Variants in TYR observed in about 807,000 individuals in gnomAD.
TYR encodes LB24-AB.
In TYR, 58 loss-of-function variants were observed where a neutral mutation model predicts 51.5. The observed-to-expected ratio is 1.13, with a 90% CI of 0.91 to 1.40. The LOEUF (loss-of-function observed/expected upper bound fraction) is 1.40. Among genes scored for constraint, TYR ranks in the 40% most tolerant of loss-of-function variants. TYR has a pLI of 0.00. For synonymous variants in TYR, 263 were observed against 235.2 expected, an observed-to-expected ratio of 1.12 and a Z score of -1.08; for missense variants, 732 against 647.4, an observed-to-expected ratio of 1.13 and a Z score of -1.42.
Position 89,240,755 on chromosome 11 carries a change from C to T in TYR, c.1184+12785C>T, listed in dbSNP as rs1365706687. 2.6e-5 allele frequency among the ~76,000 whole-genome samples: 4 copies of T among 152,124 alleles called. No homozygotes were observed. The East Asian group carries it at 7.7e-4, about 29-fold the overall frequency. On this transcript the variant is annotated intron_variant, in intron 3 of 4. Coordinates refer to ENST00000263321, the MANE Select transcript of TYR (RefSeq NM_000372.5). ...TCTTTTTGAAGAAATGACAGTAATA[C>T]ATTAGTACAGTTGCAGGTCTTTATT...
chr11:89,203,927 G>A (rs1484574476), intron 2 of TYR, among the ~76,000 whole-genome samples: 1 of 152,118 alleles, frequency 6.6e-6, no homozygotes, highest in Admixed American at 6.5e-5. Flanking sequence ...AAGTTGACTG[G>A]GGAGACTAGA....
intron 3 of TYR, among the ~76,000 whole-genome samples, chr11:89,243,648 C>T (rs917107306): frequency 2.0e-5 from 3 of 152,174 alleles, no homozygotes; most frequent in Admixed American, 2.0e-4. Flanking sequence ...TAATTCCCAG[C>T]ACACAATGTT....
chr11:89,263,893 A>T (rs187923428), intron 3 of TYR, among the ~76,000 whole-genome samples: 1 of 152,190 alleles, frequency 6.6e-6, no homozygotes, highest in East Asian at 1.9e-4. Context: ...GGAAGACTTA[A>T]CTATCATTAA....
chr11:89,271,852 A>T (rs770814012), intron 3 of TYR, among the ~76,000 whole-genome samples: 11 of 151,944 alleles, frequency 7.2e-5, no homozygotes, highest in African/African-American at 2.4e-5. Context: ...CATCTTCACC[A>T]GAAATAAGTT....
At chr11:89,225,356 A>G (rs957064324) in intron 2 of TYR, among the ~76,000 whole-genome samples, 1 of 151,884 alleles carries the variant, frequency 6.6e-6, no homozygotes. Context: ...ACCATGTTGT[A>G]TCATAGATCT....
chr11:89,275,186 C>T lies in TYR; in HGVS notation c.1185-9587C>T, dbSNP rs942086265. ...ACAACTGTGCCGTCACCCTTTCTTA[C>T]ATACTCTGAGAGATTTTGTAATCAA... On this transcript the variant is annotated intron_variant, in intron 3 of 4. Coordinates refer to ENST00000263321, the MANE Select transcript of TYR (RefSeq NM_000372.5). Among the ~76,000 whole-genome samples the T allele has an allele frequency of 1.1e-3, 161 of 151,926 alleles. 1 individual carries two copies. Among genetic ancestry groups the T allele is most frequent in the African/African-American group, 3.6e-3 (150 of 41,416 alleles).
At chr11:89,218,080 T>C (rs1360582388) in intron 2 of TYR, among the ~76,000 whole-genome samples, 1 of 152,214 alleles carries the variant, frequency 6.6e-6, no homozygotes, top group African/African-American at 2.4e-5. Context: ...TGTTCAGGGC[T>C]TTCTCTCTAT....
At chr11:89,200,083 G>A (rs535754383) in intron 2 of TYR, among the ~76,000 whole-genome samples, 5 of 152,182 alleles carry the variant, frequency 3.3e-5, no homozygotes, top group Admixed American at 1.3e-4. Flanking sequence ...AAACAAATAC[G>A]AGTTAAAAGA....
Position 89,232,771 on chromosome 11 carries a change from A to G in TYR, c.1184+4801A>G, listed in dbSNP as rs1473575919. Among the ~76,000 whole-genome samples, 3 of 143,524 alleles carry G rather than the reference A, an allele frequency of 2.1e-5. 1 individual carries two copies. The highest frequency in any genetic ancestry group is 8.3e-5 in the African/African-American group (3 of 36,272). 94.2% of individuals were successfully genotyped at this position (143,524 alleles called of 152,430 possible). Reference sequence around the variant, plus strand: ...CTTTAATGTAGATTATTAAGTGTACAATCTCATTATGCCTAAAAAGCAATT... The same window carrying G: ...CTTTAATGTAGATTATTAAGTGTACGATCTCATTATGCCTAAAAAGCAATT... On this transcript the variant is annotated intron_variant, in intron 3 of 4. Transcript: ENST00000263321.
At chr11:89,294,385 A>C (rs1374706930) in intron 4 of TYR, 1 of 152,772 alleles carries the variant, frequency 6.5e-6, no homozygotes. Context: ...TCTTACATAT[A>C]TCGGCTCCCC....
intron 1 of TYR, 34 bp downstream of exon 1, chr11:89,178,806 G>A (rs1345776522): frequency 7.5e-6 from 12 of 1,607,526 alleles, no homozygotes; most frequent in Admixed American, 1.7e-5. Flanking sequence ...GTCAGAGTAG[G>A]GAGGAACCTT....
At chr11:89,278,702 G>A (rs1227305180) in intron 3 of TYR, among the ~76,000 whole-genome samples, 1 of 151,332 alleles carries the variant, frequency 6.6e-6, no homozygotes, top group Non-Finnish European at 1.5e-5. Context: ...ATCTTCCCTT[G>A]GTATGGGACA....
At chr11:89,204,434 T>C (rs10830239) in intron 2 of TYR, among the ~76,000 whole-genome samples, 88,443 of 151,234 alleles carry the variant, frequency 0.58, 28,202 homozygotes, top group African/African-American at 0.86. Flanking sequence ...TGCTGTGTTG[T>C]CCAGGCTGGT....
In TYR at chr11:89,260,384, G is replaced by A. The variant is rs142940377; in HGVS notation, c.1185-24389G>A. Among the ~76,000 whole-genome samples, 1,378 of 152,112 alleles carry A rather than the reference G, an allele frequency of 9.1e-3. 12 individuals carry two copies. Among genetic ancestry groups the A allele is most frequent in the Middle Eastern group, 0.024 (7 of 294 alleles). On this transcript the variant is annotated intron_variant, in intron 3 of 4. Coordinates refer to ENST00000263321, the MANE Select transcript of TYR (RefSeq NM_000372.5). ...TGACTTCTTACCAGAAACTATGAAG[G>A]CCAGAAAACAAAGGATTGGCATATT... is the stretch of plus-strand genomic sequence containing the variant.
At chr11:89,248,743 T>C (rs1333358919) in intron 3 of TYR, among the ~76,000 whole-genome samples, 2 of 152,132 alleles carry the variant, frequency 1.3e-5, no homozygotes, top group African/African-American at 2.4e-5. Flanking sequence ...AATAGACTGT[T>C]AGAGTGAAAA....
intron 4 of TYR, among the ~76,000 whole-genome samples, chr11:89,287,671 C>A (rs1407893841): frequency 6.6e-6 from 1 of 151,722 alleles, no homozygotes; most frequent in Non-Finnish European, 1.5e-5. Context: ...TGAATTTGGG[C>A]CATATTGTTA....
At chr11:89,216,524 A>G (rs1163831434) in intron 2 of TYR, among the ~76,000 whole-genome samples, 1 of 151,174 alleles carries the variant, frequency 6.6e-6, no homozygotes, top group Non-Finnish European at 1.5e-5. Flanking sequence ...ATGGTGATGC[A>G]CCCCTGTAGT....
chr11:89,272,257 CA>C (rs1944596989), intron 3 of TYR, among the ~76,000 whole-genome samples: 1 of 151,842 alleles, frequency 6.6e-6, no homozygotes, highest in African/African-American at 2.4e-5. Context: ...AATTGAAAGT[CA>C]AAATTACTCC....
intron 3 of TYR, among the ~76,000 whole-genome samples, chr11:89,247,522 T>G (rs1944282025): frequency 6.6e-6 from 1 of 152,174 alleles, no homozygotes; most frequent in Non-Finnish European, 1.5e-5. Context: ...ATTAATATAT[T>G]CTAGTACTAG....
Sources: allele counts gnomAD v4.1 joint callset (sites outside exome capture counted in the v4.1 genomes callset), GRCh38; gene constraint gnomAD v4.1.1; transcripts MANE v1.5; gene names NCBI Gene and HGNC (gene_info 2026-07-23, HGNC 2026-07-21).